The following PRR23B variants were observed in gnomAD, a reference collection of about 807,000 sequenced individuals.
PRR23B encodes the protein proline rich 23B.
For missense variants in PRR23B, 375 were observed against 371.7 expected (o/e 1.01, Z -0.07); for synonymous variants, 157 against 168.0 (o/e 0.93, Z 0.51).
At position 139,020,646 on chromosome 3, in the gene PRR23B, G is replaced by A. The variant is rs1025038813; in HGVS notation, c.16C>T (p.Arg6Cys). The change falls in exon 1 of 1, where the codon CGC (arginine) becomes TGC (cysteine). Residue 6 changes from arginine (R) to cysteine (C), a missense_variant. Coordinates refer to ENST00000329447, the MANE Select transcript of PRR23B (RefSeq NM_001013650.2). ...GGAGCAGGGAAGGCGCTGGGGCTGC[G>A]GGGCCGGCTGACCATCGCCTCGACG... MVSRPRSPSAFPAPWW... is the reference protein window; with the variant it reads MVSRPCSPSAFPAPWW... The A allele has an allele frequency of 5.2e-6, 8 of 1,530,586 alleles. No individual in the cohort carries two copies. The African/African-American group carries it at 6.9e-5, about 13-fold the overall frequency. 94.8% of individuals were successfully genotyped at this position (1,530,586 alleles called of 1,614,324 possible).
At position 139,019,916 on chromosome 3, in the gene PRR23B, G is replaced by C; in HGVS notation, c.746C>G (p.Pro249Arg). Residue 249 changes from proline (P) to arginine (R), a missense_variant, in exon 1 of 1, where the codon CCG (proline) becomes CGG (arginine). Transcript: ENST00000329447. ...VGSPGPHARS[P>R]LPERPPCKAR... is the part of the protein sequence containing the mutation. ...CTTGCACGGAGGGCGTTCCGGGAGC[G>C]GCGAGCGCGCGTGGGGACCTGGACT... 2 of 1,606,832 alleles carry C rather than the reference G, an allele frequency of 1.2e-6. No homozygotes were observed. Among genetic ancestry groups the C allele is most frequent in the Non-Finnish European group, 1.7e-6 (2 of 1,176,998 alleles).
At position 139,019,066 on chromosome 3, in the gene PRR23B, A is replaced by G. The variant is rs892113137; in HGVS notation, c.*798T>C. ...AGTAATCTTTTATCTCCTATATAAA[A>G]ATATGAGGCAACTACAGTAATAAAC... is the stretch of plus-strand genomic sequence containing the variant. On this transcript the variant is annotated 3_prime_UTR_variant, in exon 1 of 1. Transcript: ENST00000329447. The G allele has an allele frequency of 6.6e-6, 1 of 152,234 alleles. No individual in the cohort carries two copies. The highest frequency in any genetic ancestry group is 2.4e-5 in the African/African-American group (1 of 41,466). The allele number at this position is 152,234 out of a possible 1,614,324, so 9.4% of individuals were successfully genotyped here.
rs1473072262 is a variant in PRR23B, at chr3:139,020,539, C to G, written c.123G>C (p.Ala41=). The G allele has an allele frequency of 1.3e-6, 2 of 1,558,404 alleles. No individual in the cohort carries two copies. The highest frequency in any genetic ancestry group is 3.9e-5 in the Admixed American group (2 of 51,258). The change falls in exon 1 of 1, where the codon GCG becomes GCC. Residue 41 remains alanine, a synonymous_variant. Coordinates refer to ENST00000329447, the MANE Select transcript of PRR23B (RefSeq NM_001013650.2). ...LEEPAGPEPR[A]APSLEDPAGD... Reference sequence around the variant, plus strand: ...CCGCCGGGTCTTCCAGGCTGGGTGCCGCGCGGGGTTCGGGGCCCGCGGGCT... The same window carrying G: ...CCGCCGGGTCTTCCAGGCTGGGTGCGGCGCGGGGTTCGGGGCCCGCGGGCT...
Position 139,020,314 on chromosome 3 carries a change from G to C in PRR23B, c.348C>G (p.His116Gln). 3 of 1,614,078 alleles carry C rather than the reference G, an allele frequency of 1.9e-6. No individual in the cohort carries two copies. Among genetic ancestry groups the C allele is most frequent in the Non-Finnish European group, 2.5e-6 (3 of 1,179,994 alleles). The change falls in exon 1 of 1, where the codon CAC becomes CAG. Residue 116 changes from histidine (H) to glutamine (Q), a missense_variant. Coordinates refer to ENST00000329447, the MANE Select transcript of PRR23B (RefSeq NM_001013650.2). ...SSVDERSGAQ[H>Q]DSSAGLEVDV... ...CCACTTCCAGCCCGGCAGACGAGTC[G>C]TGCTGCGCTCCTGAGCGTTCGTCGA...
Position 139,020,541 on chromosome 3 carries a change from C to A in PRR23B, c.121G>T (p.Ala41Ser). ...LEEPAGPEPRAAPSLEDPAGD... is the reference protein window; with the variant it reads ...LEEPAGPEPRSAPSLEDPAGD... ...GCCGGGTCTTCCAGGCTGGGTGCCGCGCGGGGTTCGGGGCCCGCGGGCTCC... is the reference window on the plus strand; with the variant it reads ...GCCGGGTCTTCCAGGCTGGGTGCCGAGCGGGGTTCGGGGCCCGCGGGCTCC... The change falls in exon 1 of 1, where the codon GCG becomes TCG. Residue 41 changes from alanine (A) to serine (S), a missense_variant. Transcript: ENST00000329447. 6.4e-7 allele frequency: 1 copy of A among 1,556,290 alleles called. No homozygotes were observed. Among genetic ancestry groups the A allele is most frequent in the Non-Finnish European group, 8.7e-7 (1 of 1,154,014 alleles).
In PRR23B at chr3:139,020,053, G is replaced by A. The variant is rs1458530512; in HGVS notation, c.609C>T (p.Asn203=). ...PIPEPCALAP[N]PSSERRSPRP... The stretch of plus-strand genomic sequence containing the variant: ...GTGGAGAACGTCTCTCTGAACTGGG[G>A]TTGGGGGCCAGAGCACAGGGTTCTG... The change falls in exon 1 of 1, where the codon AAC becomes AAT. Residue 203 remains asparagine (N), a synonymous_variant. Transcript: ENST00000329447. 2 of 1,614,012 alleles carry A rather than the reference G, an allele frequency of 1.2e-6. No individual in the cohort carries two copies. The highest frequency in any genetic ancestry group is 1.7e-6 in the Non-Finnish European group (2 of 1,180,034).
Position 139,020,034 on chromosome 3 carries a change from A to C in PRR23B, c.628T>G (p.Ser210Ala). 1 of 1,613,936 alleles carries C rather than the reference A, an allele frequency of 6.2e-7. No individual in the cohort carries two copies. Among genetic ancestry groups the C allele is most frequent in the Non-Finnish European group, 8.5e-7 (1 of 1,179,942 alleles). Residue 210 changes from serine to alanine, a missense_variant, in exon 1 of 1, where the codon TCT (serine) becomes GCT (alanine). Transcript: ENST00000329447. Reference sequence around the variant, plus strand: ...TCCAGGTCAAAGATGGGGCGTGGAGAACGTCTCTCTGAACTGGGGTTGGGG... The same window carrying C: ...TCCAGGTCAAAGATGGGGCGTGGAGCACGTCTCTCTGAACTGGGGTTGGGG... ...LAPNPSSERR[S>A]PRPIFDLEFR... is the part of the protein sequence containing the mutation.
rs766706937 is a variant in PRR23B at position 139,020,517 on chromosome 3, C to A, written c.145G>T (p.Ala49Ser). ...AGCGCGTCCACGGCCGGGTCCCCCG[C>A]CGGGTCTTCCAGGCTGGGTGCCGCG... Reference protein sequence around the residue: ...PRAAPSLEDPAGDPAVDALTS... With the variant: ...PRAAPSLEDPSGDPAVDALTS... Residue 49 changes from alanine to serine, a missense_variant, in exon 1 of 1, where the codon GCG (alanine) becomes TCG (serine). Physicochemically the swap from Ala to Ser is moderately conservative, Grantham distance 99 (BLOSUM62 1). Coordinates refer to ENST00000329447, the MANE Select transcript of PRR23B (RefSeq NM_001013650.2). 5 of 1,571,112 alleles carry A rather than the reference C, an allele frequency of 3.2e-6. No individual in the cohort carries two copies. In the South Asian group the frequency reaches 3.5e-5, roughly 11 times the overall value.
chr3:139,020,401 G>T lies in PRR23B; in HGVS notation c.261C>A (p.Ile87=). ...DLVLEPAPTS[I]LRVSLGGHTL... is the part of the protein sequence containing the mutation. ...TGTGTCCACCGAGAGACACTCGCAG[G>T]ATCGACGTTGGTGCGGGCTCCAGCA... is the stretch of plus-strand genomic sequence containing the variant. The change falls in exon 1 of 1, where the codon ATC becomes ATA. Residue 87 remains isoleucine, a synonymous_variant. Coordinates refer to ENST00000329447, the MANE Select transcript of PRR23B (RefSeq NM_001013650.2). 1 of 1,613,970 alleles carries T rather than the reference G, an allele frequency of 6.2e-7. No individual in the cohort carries two copies. Among genetic ancestry groups the T allele is most frequent in the Non-Finnish European group, 8.5e-7 (1 of 1,179,992 alleles).
rs1301419292 is a variant in PRR23B at position 139,019,629 on chromosome 3, A to C, written c.*235T>G. 6.8e-6 allele frequency: 3 copies of C among 442,610 alleles called. No homozygotes were observed. The highest frequency in any genetic ancestry group is 1.2e-5 in the Non-Finnish European group (3 of 253,508). The allele number at this position is 442,610 out of a possible 1,614,324, so 27.4% of individuals were successfully genotyped here. ...TGTAAAGAAGCCCAGAAATCTGGAC[A>C]CATTTTCTGGTATCCTTGCGCAGAT... On this transcript the variant is annotated 3_prime_UTR_variant, in exon 1 of 1. Coordinates refer to ENST00000329447, the MANE Select transcript of PRR23B (RefSeq NM_001013650.2).
At position 139,019,785 on chromosome 3, in the gene PRR23B, C is replaced by G. The variant is rs566897556; in HGVS notation, c.*79G>C. 1.4e-6 allele frequency: 2 copies of G among 1,423,366 alleles called. No homozygotes were observed. Among genetic ancestry groups the G allele is most frequent in the East Asian group, 2.3e-5 (1 of 43,250 alleles). The allele number at this position is 1,423,366 out of a possible 1,614,324, so 88.2% of individuals were successfully genotyped here. A position where few individuals can be genotyped will look rare whatever the true frequency, so the allele number is the denominator to read the frequency against. On this transcript the variant is annotated 3_prime_UTR_variant, in exon 1 of 1. Transcript: ENST00000329447. ...CCCAATTTCCAGGTTGTTGGATACT[C>G]AATGTGAGAGATTCCCGCAATCCTA...
Position 139,019,783 on chromosome 3 carries a change from C to CT in PRR23B, c.*80dup. ...TGCCCAATTTCCAGGTTGTTGGATA[C>CT]TCAATGTGAGAGATTCCCGCAATCC... On this transcript the variant is annotated 3_prime_UTR_variant, in exon 1 of 1. Transcript: ENST00000329447. The CT allele has an allele frequency of 7.1e-7, 1 of 1,412,096 alleles. No homozygotes were observed. Among genetic ancestry groups the CT allele is most frequent in the Non-Finnish European group, 9.6e-7 (1 of 1,046,264 alleles). 87.5% of individuals were successfully genotyped at this position (1,412,096 alleles called of 1,614,324 possible). A position where few individuals can be genotyped will look rare whatever the true frequency, so the allele number is the denominator to read the frequency against.
In PRR23B at chr3:139,020,595, G is replaced by A. The variant is rs1290777479; in HGVS notation, c.67C>T (p.Pro23Ser). 4 of 1,551,764 alleles carry A rather than the reference G, an allele frequency of 2.6e-6. No individual in the cohort carries two copies. Among genetic ancestry groups the A allele is most frequent in the African/African-American group, 1.4e-5 (1 of 73,346 alleles). Reference sequence around the variant, plus strand: ...AATCGGAGGCGCTTGGCAGGGCCGGGTCCTCCTGGCTGCTGTCCCCACCAG... The same window carrying A: ...AATCGGAGGCGCTTGGCAGGGCCGGATCCTCCTGGCTGCTGTCCCCACCAG... Reference protein sequence around the residue: ...APWWGQQPGGPGPAKRLRLEE... With the variant: ...APWWGQQPGGSGPAKRLRLEE... The change falls in exon 1 of 1, where the codon CCC (proline) becomes TCC (serine). Residue 23 changes from proline to serine, a missense_variant. Transcript: ENST00000329447.
At position 139,020,284 on chromosome 3, in the gene PRR23B, A is replaced by C; in HGVS notation, c.378T>G (p.Val126=). ...HDSSAGLEVD[V]FLGAVREDVV... is the part of the protein sequence containing the mutation. ...CGTCCTCCCTGACAGCGCCCAGGAAAACGTCCACTTCCAGCCCGGCAGACG... is the reference window on the plus strand; with the variant it reads ...CGTCCTCCCTGACAGCGCCCAGGAACACGTCCACTTCCAGCCCGGCAGACG... Residue 126 remains valine (V), a synonymous_variant, in exon 1 of 1, where the codon GTT becomes GTG. Transcript: ENST00000329447. 1 of 1,613,978 alleles carries C rather than the reference A, an allele frequency of 6.2e-7. No individual in the cohort carries two copies. The highest frequency in any genetic ancestry group is 1.6e-4 in the Middle Eastern group (1 of 6,062).
chr3:139,020,309 G>A lies in PRR23B; in HGVS notation c.353C>T (p.Ser118Leu), dbSNP rs745919909. The change falls in exon 1 of 1, where the codon TCG becomes TTG. Residue 118 changes from serine to leucine, a missense_variant. Ser to Leu is a moderately radical substitution (Grantham distance 145, BLOSUM62 -2). Coordinates refer to ENST00000329447, the MANE Select transcript of PRR23B (RefSeq NM_001013650.2). ...VDERSGAQHD[S>L]SAGLEVDVFL... ...AACGTCCACTTCCAGCCCGGCAGAC[G>A]AGTCGTGCTGCGCTCCTGAGCGTTC... The A allele has an allele frequency of 1.4e-4, 227 of 1,613,974 alleles. No individual in the cohort carries two copies. Among genetic ancestry groups the A allele is most frequent in the Non-Finnish European group, 1.9e-4 (222 of 1,180,010 alleles).
chr3:139,020,257 G>T lies in PRR23B; in HGVS notation c.405C>A (p.Val135=). ...DVFLGAVRED[V]VVELEFCASV... is the part of the protein sequence containing the mutation. The stretch of plus-strand genomic sequence containing the variant: ...ATGCGCAGAATTCCAGCTCGACGAC[G>T]ACGTCCTCCCTGACAGCGCCCAGGA... The change falls in exon 1 of 1, where the codon GTC becomes GTA. Residue 135 remains valine (V), a synonymous_variant. Coordinates refer to ENST00000329447, the MANE Select transcript of PRR23B (RefSeq NM_001013650.2). 6.2e-7 allele frequency: 1 copy of T among 1,614,070 alleles called. No individual in the cohort carries two copies. Among genetic ancestry groups the T allele is most frequent in the Non-Finnish European group, 8.5e-7 (1 of 1,180,008 alleles).
Position 139,020,692 on chromosome 3 carries a change from G to A in PRR23B, c.-31C>T. 6.8e-7 allele frequency: 1 copy of A among 1,465,054 alleles called. No homozygotes were observed. Among genetic ancestry groups the A allele is most frequent in the Non-Finnish European group, 8.9e-7 (1 of 1,119,544 alleles). 90.8% of individuals were successfully genotyped at this position (1,465,054 alleles called of 1,614,324 possible). On this transcript the variant is annotated 5_prime_UTR_variant, in exon 1 of 1. Transcript: ENST00000329447. Reference sequence around the variant, plus strand: ...CGACGGCGCTGTGGACGGCGCTCCTGGGCCTAGCAGCGGACGTGGGGAGCG... The same window carrying A: ...CGACGGCGCTGTGGACGGCGCTCCTAGGCCTAGCAGCGGACGTGGGGAGCG...
At position 139,019,576 on chromosome 3, in the gene PRR23B, G is replaced by A. The variant is rs867105359; in HGVS notation, c.*288C>T. The stretch of plus-strand genomic sequence containing the variant: ...AGAGAAACAACTGATGCAAAACGAG[G>A]GAGAATGAAGGGATCTGAATATGAC... On this transcript the variant is annotated 3_prime_UTR_variant, in exon 1 of 1. Transcript: ENST00000329447. 1 of 295,724 alleles carries A rather than the reference G, an allele frequency of 3.4e-6. No individual in the cohort carries two copies. The highest frequency in any genetic ancestry group is 2.2e-5 in the African/African-American group (1 of 46,222). The allele number at this position is 295,724 out of a possible 1,614,324, so 18.3% of individuals were successfully genotyped here. A position where few individuals can be genotyped will look rare whatever the true frequency, so the allele number is the denominator to read the frequency against.
In PRR23B at chr3:139,019,952, G is replaced by A. The variant is rs760858388; in HGVS notation, c.710C>T (p.Pro237Leu). 1.2e-5 allele frequency: 19 copies of A among 1,613,972 alleles called. No homozygotes were observed. Among genetic ancestry groups the A allele is most frequent in the Non-Finnish European group, 1.5e-5 (18 of 1,179,982 alleles). Residue 237 changes from proline (P) to leucine (L), a missense_variant, in exon 1 of 1, where the codon CCG becomes CTG. Coordinates refer to ENST00000329447, the MANE Select transcript of PRR23B (RefSeq NM_001013650.2). The part of the protein sequence containing the change: ...SSPLQPLPPS[P>L]CVGSPGPHAR... The stretch of plus-strand genomic sequence containing the variant: ...GTGGGGACCTGGACTCCCCACGCAC[G>A]GAGAGGGAGGTAGAGGTTGGAGAGG...
Sources: gnomAD v4.1 joint callset for allele counts on GRCh38, gnomAD v4.1.1 for gene constraint, MANE v1.5 for transcripts, NCBI Gene and HGNC (gene_info 2026-07-23, HGNC 2026-07-21) for gene names.